The following REC114 variants were observed in gnomAD, a reference collection of about 807,000 sequenced individuals.
REC114 encodes the protein REC114 meiotic recombination protein.
In REC114, 27 loss-of-function variants were observed where a neutral mutation model predicts 31.3. The ratio of observed to expected loss-of-function variants is 0.86; its 90% CI spans 0.64 to 1.19. REC114 has a LOEUF of 1.19. REC114 is among the 50% of genes most tolerant of loss of function. REC114 has a pLI of 0.00. For synonymous variants in REC114, 134 were observed against 127.7 expected, an observed-to-expected ratio of 1.05 and a Z score of -0.33; for missense variants, 344 against 326.9, an observed-to-expected ratio of 1.05 and a Z score of -0.40.
chr15:73,456,374 T>A (rs1406399503), intron 1 of REC114, among the ~76,000 whole-genome samples: 1 of 152,124 alleles, frequency 6.6e-6, no homozygotes, highest in Non-Finnish European at 1.5e-5. Flanking sequence ...AAAAATCCTT[T>A]TTTTATAGGA....
intron 1 of REC114, among the ~76,000 whole-genome samples, chr15:73,470,600 A>C (rs1011922383): frequency 6.6e-5 from 10 of 152,298 alleles, no homozygotes; most frequent in African/African-American, 2.2e-4. Flanking sequence ...TGAATATAAC[A>C]GTGTCCAAAA....
chr15:73,528,504 G>A (rs908413320), intron 2 of REC114, among the ~76,000 whole-genome samples: 16 of 152,138 alleles, frequency 1.1e-4, no homozygotes, highest in Admixed American at 6.5e-5. Context: ...ACACCATGGA[G>A]ATACAAAAAC....
At chr15:73,534,333 A>T (rs1178660358) in intron 2 of REC114, among the ~76,000 whole-genome samples, 1 of 152,216 alleles carries the variant, frequency 6.6e-6, no homozygotes, top group Non-Finnish European at 1.5e-5. Context: ...CACAATAAAA[A>T]ATGATAAAGG....
rs558030142 is a variant in REC114, at chr15:73,465,648, AT to A, written c.160-8177del. On this transcript the variant is annotated intron_variant, in intron 1 of 5. Transcript: ENST00000331090. ...AGAACATCTGACACCTAGAATGAATATTTTTTTAACATCTTCTTCCCCTGAA... is the reference window on the plus strand; with the variant it reads ...AGAACATCTGACACCTAGAATGAATATTTTTTAACATCTTCTTCCCCTGAA... 5.9e-5 allele frequency among the ~76,000 whole-genome samples: 9 copies of A among 152,244 alleles called. No homozygotes were observed. The East Asian group carries it at 1.4e-3, about 23-fold the overall frequency.
chr15:73,443,191 G>T lies in REC114; in HGVS notation c.6G>T (p.Ala2=). 1 of 1,566,932 alleles carries T rather than the reference G, an allele frequency of 6.4e-7. No homozygotes were observed. M[A]EAGKVPLSLG... ...TGCGTGTGGTGAGGCAGGACATGGC[G>T]GAGGCAGGAAAAGTGCCCTTGAGCC... The change falls in exon 1 of 6, where the codon GCG becomes GCT. Residue 2 remains alanine, a synonymous_variant. Coordinates refer to ENST00000331090, the MANE Select transcript of REC114 (RefSeq NM_001042367.2).
In REC114 at chr15:73,533,782, G is replaced by T. The variant is rs28750459; in HGVS notation, c.250-6703G>T. On this transcript the variant is annotated intron_variant, in intron 2 of 5. Coordinates refer to ENST00000331090, the MANE Select transcript of REC114 (RefSeq NM_001042367.2). ...CCTATTACAAAATTGACCACATACTGGGAAGTAAAGCTCTCCTCAGCAAAT... is the reference window on the plus strand; with the variant it reads ...CCTATTACAAAATTGACCACATACTTGGAAGTAAAGCTCTCCTCAGCAAAT... Among the ~76,000 whole-genome samples, 1,189 of 136,674 alleles carry T rather than the reference G, an allele frequency of 8.7e-3. 11 individuals are homozygous for T. The highest frequency in any genetic ancestry group is 0.03 in the African/African-American group (1,034 of 34,716). 89.7% of individuals were successfully genotyped at this position (136,674 alleles called of 152,430 possible). A position where few individuals can be genotyped will look rare whatever the true frequency, so the allele number is the denominator to read the frequency against.
intron 2 of REC114, among the ~76,000 whole-genome samples, chr15:73,522,218 T>C (rs1893946254): frequency 6.6e-6 from 1 of 152,190 alleles, no homozygotes; most frequent in African/African-American, 2.4e-5. Context: ...TGGCATGTTA[T>C]TTCTTGCCTC....
chr15:73,462,148 T>C (rs1595861316), intron 1 of REC114, among the ~76,000 whole-genome samples: 1 of 151,886 alleles, frequency 6.6e-6, no homozygotes, highest in South Asian at 2.1e-4. Context: ...GCCAGGCTGG[T>C]CTGGAACTCC....
intron 1 of REC114, among the ~76,000 whole-genome samples, chr15:73,448,982 C>T (rs1892805221): frequency 6.6e-6 from 1 of 152,124 alleles, no homozygotes; most frequent in African/African-American, 2.4e-5. Context: ...TCAGAGACCC[C>T]ACCCAAAGGT....
chr15:73,444,725 A>G (rs1892743471), intron 1 of REC114, among the ~76,000 whole-genome samples: 1 of 152,240 alleles, frequency 6.6e-6, no homozygotes, highest in Non-Finnish European at 1.5e-5. Flanking sequence ...AATGGTATCT[A>G]GAATGGTGAA....
chr15:73,523,562 A>G (rs1893965139), intron 2 of REC114, among the ~76,000 whole-genome samples: 1 of 152,232 alleles, frequency 6.6e-6, no homozygotes, highest in South Asian at 2.1e-4. Context: ...CAAGGACACA[A>G]ATGTAGAAGT....
At chr15:73,446,694 A>G (rs1892769282) in intron 1 of REC114, among the ~76,000 whole-genome samples, 1 of 151,974 alleles carries the variant, frequency 6.6e-6, no homozygotes, top group Non-Finnish European at 1.5e-5. Flanking sequence ...ACCTGAAAAA[A>G]CCTCAGCATG....
intron 2 of REC114, among the ~76,000 whole-genome samples, chr15:73,474,304 A>C (rs1007585926): frequency 6.6e-6 from 1 of 152,234 alleles, no homozygotes; most frequent in Middle Eastern, 3.2e-3. Flanking sequence ...AAAAGGTGTT[A>C]CTGTTAATTG....
Position 73,469,877 on chromosome 15 carries a change from G to A in REC114, c.160-3955G>A, listed in dbSNP as rs560729120. On this transcript the variant is annotated intron_variant, in intron 1 of 5. Coordinates refer to ENST00000331090, the MANE Select transcript of REC114 (RefSeq NM_001042367.2). Reference sequence around the variant, plus strand: ...TTTTTTGTATTTTTAGTAGAGATGGGGTTTCACTGTGTTAGCCAGGGCAAG... The same window carrying A: ...TTTTTTGTATTTTTAGTAGAGATGGAGTTTCACTGTGTTAGCCAGGGCAAG... 1.2e-3 allele frequency among the ~76,000 whole-genome samples: 178 copies of A among 151,968 alleles called. 1 individual carries two copies. Among genetic ancestry groups the A allele is most frequent in the African/African-American group, 4.1e-3 (169 of 41,460 alleles).
intron 1 of REC114, among the ~76,000 whole-genome samples, chr15:73,446,323 T>C (rs550290796): frequency 3.0e-4 from 46 of 152,188 alleles, no homozygotes; most frequent in African/African-American, 9.9e-4. Context: ...CAGCAGTAGA[T>C]AGGAGAAGAA....
intron 1 of REC114, among the ~76,000 whole-genome samples, chr15:73,445,441 G>A (rs1333845382): frequency 1.3e-5 from 2 of 152,186 alleles, no homozygotes; most frequent in Admixed American, 1.3e-4. Flanking sequence ...CACTGGAATA[G>A]CATTTTTAAT....
At chr15:73,516,863 G>A (rs554396249) in intron 2 of REC114, among the ~76,000 whole-genome samples, 7 of 152,340 alleles carry the variant, frequency 4.6e-5, no homozygotes, top group African/African-American at 1.4e-4. Flanking sequence ...CTGATCGGAG[G>A]TGATCTGCTG....
Position 73,481,014 on chromosome 15 carries a change from A to T in REC114, c.249+7093A>T, listed in dbSNP as rs1595866040. 2.6e-5 allele frequency among the ~76,000 whole-genome samples: 4 copies of T among 152,286 alleles called. No homozygotes were observed. The East Asian group carries it at 7.7e-4, about 29-fold the overall frequency. ...AAAGGTAGAGACAGGACAGCCATAGAAAGTTTTAGCCATTTCTGTCTTAGT... is the reference window on the plus strand; with the variant it reads ...AAAGGTAGAGACAGGACAGCCATAGTAAGTTTTAGCCATTTCTGTCTTAGT... On this transcript the variant is annotated intron_variant, in intron 2 of 5. Transcript: ENST00000331090.
chr15:73,552,715 G>A (rs886935111), intron 4 of REC114, among the ~76,000 whole-genome samples: 6 of 152,176 alleles, frequency 3.9e-5, no homozygotes, highest in African/African-American at 1.2e-4. Flanking sequence ...GCTGGGTTTT[G>A]CATTTGCTTT....
Sources: allele counts gnomAD v4.1 joint callset (sites outside exome capture counted in the v4.1 genomes callset), GRCh38; gene constraint gnomAD v4.1.1; transcripts MANE v1.5; gene names NCBI Gene and HGNC (gene_info 2026-07-23, HGNC 2026-07-21).